Variants in SYNPR observed in about 807,000 individuals in gnomAD.
SYNPR encodes synaptoporin.
In SYNPR, 23 loss-of-function variants were observed where a neutral mutation model predicts 32.9. That is an observed-to-expected ratio of 0.70 (90% CI 0.50 to 0.99). The LOEUF (loss-of-function observed/expected upper bound fraction) is 0.99. SYNPR is among the 50% of genes least tolerant of loss of function. The pLI is 0.00. For missense variants in SYNPR, 318 were observed against 349.3 expected (o/e 0.91, Z 0.71); for synonymous variants, 146 against 135.9 (o/e 1.07, Z -0.52).
the SYNPR span, among the ~76,000 whole-genome samples, chr3:63,221,657 C>T: frequency 2.0e-5 from 3 of 152,142 alleles, no homozygotes; most frequent in African/African-American, 7.2e-5. Flanking sequence ...CAGCGCTGTG[C>T]CTGTGACTCT....
At position 63,512,476 on chromosome 3, in the gene SYNPR, A is replaced by T. The variant is rs1456369722; in HGVS notation, c.209+31520A>T. On this transcript the variant is annotated intron_variant, in intron 3 of 5. Transcript: ENST00000478300. ...AATTATGGCTGTTAATCAGCTGACC[A>T]TTAAATAGAGCTGTTATCCTGCATT... Among the ~76,000 whole-genome samples, 4 of 152,352 alleles carry T rather than the reference A, an allele frequency of 2.6e-5. No individual in the cohort carries two copies. In the South Asian group the frequency reaches 8.3e-4, roughly 32 times the overall value.
At chr3:63,323,744 C>T (rs1242562624) in intron 2 of SYNPR, among the ~76,000 whole-genome samples, 2 of 152,006 alleles carry the variant, frequency 1.3e-5, no homozygotes, top group Non-Finnish European at 2.9e-5. Context: ...TTAAAATGTA[C>T]ATTCAAAGAG....
intron 2 of SYNPR, among the ~76,000 whole-genome samples, chr3:63,387,417 A>G (rs2088065588): frequency 6.6e-6 from 1 of 152,148 alleles, no homozygotes; most frequent in Non-Finnish European, 1.5e-5. Context: ...TGTCTTAATG[A>G]CCTCAAAATG....
intron 2 of SYNPR, among the ~76,000 whole-genome samples, chr3:63,359,113 A>G (rs894575597): frequency 6.6e-6 from 1 of 152,212 alleles, no homozygotes; most frequent in African/African-American, 2.4e-5. Flanking sequence ...TTAAACTTCT[A>G]CTGAGTACCA....
chr3:63,557,711 G>A (rs550638306), intron 4 of SYNPR, among the ~76,000 whole-genome samples: 19 of 152,236 alleles, frequency 1.2e-4, no homozygotes, highest in Admixed American at 3.3e-4. Context: ...AACTCAAAAA[G>A]AAAGTCATAA....
chr3:63,457,638 T>C (rs1014033193), intron 2 of SYNPR, among the ~76,000 whole-genome samples: 1 of 152,160 alleles, frequency 6.6e-6, no homozygotes, highest in Non-Finnish European at 1.5e-5. Context: ...ATTAAATTTG[T>C]GTACTTAGTG....
chr3:63,532,437 G>T (rs752072042), intron 3 of SYNPR, among the ~76,000 whole-genome samples: 2 of 152,182 alleles, frequency 1.3e-5, no homozygotes, highest in Non-Finnish European at 2.9e-5. Context: ...GATTAATTCA[G>T]AGCATCCTTT....
intron 3 of SYNPR, among the ~76,000 whole-genome samples, chr3:63,528,569 C>A (rs1702057737): frequency 6.6e-6 from 1 of 152,096 alleles, no homozygotes; most frequent in East Asian, 1.9e-4. Context: ...AACACTAAAA[C>A]GTGTTGTTTG....
chr3:63,613,409 G>T (rs527968334), intron 5 of SYNPR, among the ~76,000 whole-genome samples: 5 of 151,788 alleles, frequency 3.3e-5, no homozygotes, highest in African/African-American at 4.8e-5. Context: ...TCAGCAGGTA[G>T]CCTAGAGCAT....
chr3:63,614,999 T>C (rs1700256774), intron 5 of SYNPR, among the ~76,000 whole-genome samples: 2 of 152,210 alleles, frequency 1.3e-5, no homozygotes, highest in South Asian at 4.1e-4. Flanking sequence ...TTAGAGCAAG[T>C]GAATTGATAC....
intron 4 of SYNPR, among the ~76,000 whole-genome samples, chr3:63,605,398 C>G (rs372950848): frequency 3.3e-5 from 5 of 152,238 alleles, no homozygotes; most frequent in African/African-American, 1.2e-4. Flanking sequence ...GAATTCTGGA[C>G]AGAGGGAACA....
intron 2 of SYNPR, among the ~76,000 whole-genome samples, chr3:63,308,239 G>C (rs910788494): frequency 6.6e-6 from 1 of 151,936 alleles, no homozygotes; most frequent in Admixed American, 6.6e-5. Flanking sequence ...TCTAGGACAA[G>C]AAATATATCT....
intron 2 of SYNPR, among the ~76,000 whole-genome samples, chr3:63,408,364 G>A (rs1310263259): frequency 6.6e-6 from 1 of 151,010 alleles, no homozygotes; most frequent in Admixed American, 6.6e-5. Flanking sequence ...AAGAAAGAAA[G>A]AAAGAAAGAA....
chr3:63,439,323 C>T (rs911492914), intron 2 of SYNPR, among the ~76,000 whole-genome samples: 1 of 152,090 alleles, frequency 6.6e-6, no homozygotes, highest in African/African-American at 2.4e-5. Flanking sequence ...TTCTGATAAT[C>T]TAATAATGGA....
chr3:63,359,039 G>A (rs1463920469), intron 2 of SYNPR, among the ~76,000 whole-genome samples: 1 of 152,058 alleles, frequency 6.6e-6, no homozygotes, highest in South Asian at 2.1e-4. Context: ...AAGTATTGTT[G>A]AAACGTTTTA....
At chr3:63,329,222 G>GTTTA (rs1178028852) in intron 2 of SYNPR, among the ~76,000 whole-genome samples, 2 of 152,112 alleles carry the variant, frequency 1.3e-5, no homozygotes, top group Non-Finnish European at 2.9e-5. Flanking sequence ...TATTATGAGA[G>GTTTA]TTTATTATGT....
At chr3:63,269,752 C>A (rs988639773) in intron 3 of SYNPR, among the ~76,000 whole-genome samples, 1 of 152,168 alleles carries the variant, frequency 6.6e-6, no homozygotes, top group Non-Finnish European at 1.5e-5. Context: ...CTTATTCAAA[C>A]TGAGTTTGTT....
At chr3:63,220,141 A>G in the SYNPR span, among the ~76,000 whole-genome samples, 8 of 152,358 alleles carry the variant, frequency 5.3e-5, no homozygotes, top group East Asian at 7.7e-4. Context: ...GTACAAATGT[A>G]TAAGTGGAGG....
intron 2 of SYNPR, among the ~76,000 whole-genome samples, chr3:63,411,011 C>T (rs1021517529): frequency 1.3e-5 from 2 of 152,212 alleles, no homozygotes; most frequent in Admixed American, 6.5e-5. Context: ...CTCTAAACAA[C>T]TTCCCAGTAT....
Sources: gnomAD v4.1 joint callset for allele counts (sites outside exome capture counted in the v4.1 genomes callset) on GRCh38, gnomAD v4.1.1 for gene constraint, MANE v1.5 for transcripts, NCBI Gene and HGNC (gene_info 2026-07-23, HGNC 2026-07-21) for gene names.